LAMP2: variants seen among roughly 807,000 people sequenced by gnomAD.
The protein encoded by LAMP2 is lysosome-associated membrane glycoprotein 2.
A neutral mutation model predicts 25.6 loss-of-function variants in LAMP2; 4 were observed. The observed-to-expected ratio is 0.16, with a 90% CI of 0.08 to 0.36. LAMP2 has a LOEUF of 0.36. LAMP2 is among the 10% of genes least tolerant of loss of function. The pLI is 1.00. For synonymous variants in LAMP2, 108 were observed against 112.7 expected (o/e 0.96, Z 0.27); for missense variants, 272 against 301.4 (o/e 0.90, Z 0.72).
chrX:120,434,833 TA>T (rs766202288), intron 8 of LAMP2, among the ~76,000 whole-genome samples: 40 of 111,817 alleles, frequency 3.6e-4, no homozygotes, highest in Non-Finnish European at 7.1e-4. Flanking sequence ...AAACTTCTCT[TA>T]AAAACCAGTT....
intron 8 of LAMP2, chrX:120,438,532 A>C: frequency 1.1e-5 from 8 of 748,512 alleles, no homozygotes; most frequent in Non-Finnish European, 1.3e-5. Flanking sequence ...ATCTTTTGTC[A>C]TTACAGCCAC....
chrX:120,453,281 A>G (rs1243076275), intron 3 of LAMP2, among the ~76,000 whole-genome samples: 2 of 111,978 alleles, frequency 1.8e-5, no homozygotes, highest in Non-Finnish European at 3.8e-5. Context: ...TCATTCTGCA[A>G]TACCTCCCAA....
chrX:120,446,102 G>T (rs1452782240), intron 6 of LAMP2, among the ~76,000 whole-genome samples: 1 of 110,706 alleles, frequency 9.0e-6, no homozygotes. Context: ...GCCACTCTTG[G>T]TGAACATTAA....
In LAMP2 at chrX:120,429,582, G is replaced by A; in HGVS notation, c.*1741C>T. 4.0e-6 allele frequency: 3 copies of A among 746,693 alleles called. No homozygotes were observed. Among genetic ancestry groups the A allele is most frequent in the Non-Finnish European group, 4.7e-6 (3 of 633,365 alleles). 61.5% of individuals were successfully genotyped at this position (746,693 alleles called of 1,213,427 possible). Reference sequence around the variant, plus strand: ...AGCAAACAGAGATTAAAATAGAAGTGTTTTGGTATATTACTACTGAAAAAG... The same window carrying A: ...AGCAAACAGAGATTAAAATAGAAGTATTTTGGTATATTACTACTGAAAAAG... On this transcript the variant is annotated 3_prime_UTR_variant, in exon 9 of 9. Coordinates refer to ENST00000200639, the MANE Select transcript of LAMP2 (RefSeq NM_002294.3).
chrX:120,442,004 C>A, intron 7 of LAMP2, 110 bp from the exon 8 acceptor site: 1 of 667,045 alleles, frequency 1.5e-6, no homozygotes. Context: ...TTTGGGAAGC[C>A]AAGGTGGGCA....
Position 120,462,017 on chromosome X carries a change from T to A in LAMP2, c.65-5248A>T, listed in dbSNP as rs372903248. Among the ~76,000 whole-genome samples, 42 of 112,031 alleles carry A rather than the reference T, an allele frequency of 3.7e-4. No homozygotes were observed. The South Asian group carries it at 0.015, about 40-fold the overall frequency. On this transcript the variant is annotated intron_variant, in intron 1 of 8. Coordinates refer to ENST00000200639, the MANE Select transcript of LAMP2 (RefSeq NM_002294.3). Reference sequence around the variant, plus strand: ...GTATCTAGCAAGCAATTTCCATCCTTATTGCTGTGTTTGATTTTACAATAC... The same window carrying A: ...GTATCTAGCAAGCAATTTCCATCCTAATTGCTGTGTTTGATTTTACAATAC...
chrX:120,438,359 C>A (rs1290687375), intron 8 of LAMP2: 1 of 750,592 alleles, frequency 1.3e-6, no homozygotes, highest in African/African-American at 2.3e-5. Context: ...CCTCAATTGG[C>A]ACTGGCAAGC....
In LAMP2 at chrX:120,445,387, G is replaced by C. The variant is rs760165622; in HGVS notation, c.864+918C>G. On this transcript the variant is annotated intron_variant, in intron 6 of 8. Transcript: ENST00000200639. ...ATTCTAAAGAGAAAAATGTGCTTTA[G>C]ACTCAAAATACCAAGATCACATATG... 9.0e-4 allele frequency among the ~76,000 whole-genome samples: 101 copies of C among 112,600 alleles called. No individual in the cohort carries two copies. In the Middle Eastern group the frequency reaches 0.014, roughly 15 times the overall value.
rs765214315 is a variant in LAMP2, at chrX:120,429,140, A to G, written c.*2183T>C. The G allele has an allele frequency of 1.9e-5, 13 of 681,405 alleles. No homozygotes were observed. The East Asian group carries it at 9.6e-4, about 50-fold the overall frequency. 56.2% of individuals were successfully genotyped at this position (681,405 alleles called of 1,213,427 possible). A position where few individuals can be genotyped will look rare whatever the true frequency, so the allele number is the denominator to read the frequency against. ...TATGTGTATATATATGTGTGTGTGTATATATATGTGTGTGTGTGTACATAT... is the reference window on the plus strand; with the variant it reads ...TATGTGTATATATATGTGTGTGTGTGTATATATGTGTGTGTGTGTACATAT... On this transcript the variant is annotated 3_prime_UTR_variant, in exon 9 of 9. Transcript: ENST00000200639.
At chrX:120,449,258 G>A in intron 3 of LAMP2, 130 bp from the exon 4 acceptor site, 2 of 514,275 alleles carry the variant, frequency 3.9e-6, no homozygotes, top group South Asian at 3.1e-5. Flanking sequence ...AAAGGATATA[G>A]CATGCTTAAG....
chrX:120,426,603 T>C lies in LAMP2; in HGVS notation c.*4720A>G, dbSNP rs1275488466. On this transcript the variant is annotated 3_prime_UTR_variant, in exon 9 of 9. Coordinates refer to ENST00000200639, the MANE Select transcript of LAMP2 (RefSeq NM_002294.3). The stretch of plus-strand genomic sequence containing the variant: ...TGATATTAGTCTCATACCCAAAAGG[T>C]AGAACACTTTTAAATGAACCCATAA... Among the ~76,000 whole-genome samples, 2 of 111,723 alleles carry C rather than the reference T, an allele frequency of 1.8e-5. No homozygotes were observed. The highest frequency in any genetic ancestry group is 3.8e-5 in the Non-Finnish European group (2 of 53,055).
intron 8 of LAMP2, chrX:120,436,918 A>T: frequency 1.3e-6 from 1 of 748,875 alleles, no homozygotes; most frequent in South Asian, 6.8e-5. Context: ...AACAGCATTC[A>T]GTCAGTGCCA....
In LAMP2 at chrX:120,431,120, C is replaced by T. The variant is rs1366578608; in HGVS notation, c.*203G>A. 3.8e-5 allele frequency: 40 copies of T among 1,054,023 alleles called. No individual in the cohort carries two copies. Among genetic ancestry groups the T allele is most frequent in the Non-Finnish European group, 4.0e-5 (33 of 816,917 alleles). The allele number at this position is 1,054,023 out of a possible 1,213,427, so 86.9% of individuals were successfully genotyped here. ...CTTTTGAACAAGTTTGTCTCCAGGA[C>T]CAGTAAATATGACACTTTGGATTTT... On this transcript the variant is annotated 3_prime_UTR_variant, in exon 9 of 9. Transcript: ENST00000200639.
intron 7 of LAMP2, among the ~76,000 whole-genome samples, chrX:120,442,228 C>CAAAA (rs1157951288): frequency 3.0e-4 from 9 of 29,654 alleles, no homozygotes; most frequent in Admixed American, 1.2e-3. Flanking sequence ...GACCCTGTCT[C>CAAAA]AAAAAAAAAA....
chrX:120,434,804 T>C (rs1052005534), intron 8 of LAMP2, among the ~76,000 whole-genome samples: 3 of 111,910 alleles, frequency 2.7e-5, no homozygotes, highest in African/African-American at 9.7e-5. Context: ...GAGGTATACA[T>C]TTACAACAAA....
chrX:120,448,139 G>A (rs2058606378), intron 4 of LAMP2, 114 bp from the exon 5 acceptor site: 3 of 622,015 alleles, frequency 4.8e-6, no homozygotes, highest in Non-Finnish European at 5.3e-6. Context: ...GTTATATTAG[G>A]GGAAGAGAAT....
intron 8 of LAMP2, 45 bp from the exon 9 acceptor site, chrX:120,431,507 C>T (rs201740947): frequency 7.1e-6 from 8 of 1,131,364 alleles, no homozygotes; most frequent in Non-Finnish European, 9.7e-6. Context: ...CAGTGACAAA[C>T]TTTCAAATCT....
Sources: allele counts gnomAD v4.1 joint callset (sites outside exome capture counted in the v4.1 genomes callset), GRCh38; gene constraint gnomAD v4.1.1; transcripts MANE v1.5; gene names NCBI Gene and HGNC (gene_info 2026-07-23, HGNC 2026-07-21).